Variants in TSNARE1 observed in about 807,000 individuals in gnomAD.
The protein encoded by TSNARE1 is t-SNARE domain containing 1.
In TSNARE1, 49 loss-of-function variants were observed where a neutral mutation model predicts 62.0. The observed-to-expected ratio is 0.79, with a 90% CI of 0.63 to 1.00. The LOEUF (loss-of-function observed/expected upper bound fraction) is 1.00. Among genes scored for constraint, TSNARE1 ranks in the 50% least tolerant of loss-of-function variants. The pLI, the probability that TSNARE1 is intolerant of heterozygous loss-of-function variation, is 0.00. For synonymous variants in TSNARE1, 328 were observed against 294.4 expected, an observed-to-expected ratio of 1.11 and a Z score of -1.17; for missense variants, 755 against 700.1, an observed-to-expected ratio of 1.08 and a Z score of -0.88.
At chr8:142,331,905 C>A in intron 4 of TSNARE1, 74 bp from the exon 5 acceptor site, 1 of 1,433,898 alleles carries the variant, frequency 7.0e-7, no homozygotes, top group Non-Finnish European at 9.6e-7. Flanking sequence ...GCTAACCGCT[C>A]TGGGCAGCCC....
chr8:142,269,457 C>G lies in TSNARE1; in HGVS notation c.1446+5324G>C, dbSNP rs552492340. The G allele has an allele frequency of 5.0e-5, 49 of 985,434 alleles. No homozygotes were observed. In the South Asian group the frequency reaches 1.0e-3, roughly 21 times the overall value. 61.0% of individuals were successfully genotyped at this position (985,434 alleles called of 1,614,324 possible). A position where few individuals can be genotyped will look rare whatever the true frequency, so the allele number is the denominator to read the frequency against. ...AAGACAGAAAACACACACAGCCATA[C>G]GAGGCCACTGTCAGCCGTGCTGGGT... is the stretch of plus-strand genomic sequence containing the variant. On this transcript the variant is annotated intron_variant, in intron 12 of 13. Coordinates refer to ENST00000524325, the MANE Select transcript of TSNARE1 (RefSeq NM_145003.5).
intron 12 of TSNARE1, among the ~76,000 whole-genome samples, chr8:142,241,320 T>C (rs1156750894): frequency 1.3e-5 from 2 of 152,116 alleles, no homozygotes; most frequent in African/African-American, 4.8e-5. Flanking sequence ...GTGAAAGATA[T>C]ATACAATGAA....
intron 10 of TSNARE1, among the ~76,000 whole-genome samples, chr8:142,285,366 GGGTA>G: frequency 6.8e-6 from 1 of 147,442 alleles, no homozygotes. Context: ...ATGGGTGGGT[GGGTA>G]GATGTATGGA....
chr8:142,346,041 C>A, intron 2 of TSNARE1, 149 bp from the exon 3 acceptor site: 2 of 864,494 alleles, frequency 2.3e-6, no homozygotes, highest in Non-Finnish European at 3.5e-6. Flanking sequence ...CCTGCTATAT[C>A]CTCTGGATCA....
chr8:142,271,187 G>C (rs1414729398), intron 12 of TSNARE1: 21 of 992,010 alleles, frequency 2.1e-5, no homozygotes, highest in Non-Finnish European at 2.5e-5. Context: ...AGGCCCCTGG[G>C]CCACTCCACT....
intron 1 of TSNARE1, among the ~76,000 whole-genome samples, chr8:142,375,625 A>C (rs1394571105): frequency 6.6e-6 from 1 of 152,216 alleles, no homozygotes; most frequent in Non-Finnish European, 1.5e-5. Flanking sequence ...ACCACAGTGC[A>C]CACTGCATGC....
At chr8:142,368,630 G>A (rs895730643) in intron 1 of TSNARE1, among the ~76,000 whole-genome samples, 8 of 152,110 alleles carry the variant, frequency 5.3e-5, no homozygotes, top group African/African-American at 1.7e-4. Flanking sequence ...CCACCTGGGC[G>A]GCCACATCCA....
chr8:142,380,438 C>G (rs549868969), intron 1 of TSNARE1, among the ~76,000 whole-genome samples: 1 of 152,170 alleles, frequency 6.6e-6, no homozygotes, highest in Non-Finnish European at 1.5e-5. Flanking sequence ...GAGCCTCCTG[C>G]GGGCTGAACT....
At chr8:142,401,849 T>C (rs545190789) in intron 1 of TSNARE1, among the ~76,000 whole-genome samples, 1 of 152,298 alleles carries the variant, frequency 6.6e-6, no homozygotes, top group African/African-American at 2.4e-5. Context: ...GGTCCTGTGA[T>C]GTATGGGGTC....
chr8:142,406,763 A>T (rs1278006564), upstream of TSNARE1: 2 of 152,234 alleles, frequency 1.3e-5, no homozygotes, highest in Non-Finnish European at 2.9e-5. Context: ...AACCAAGGGC[A>T]TGGGGTGTGT....
At chr8:142,270,112 C>T (rs958384889) in intron 12 of TSNARE1, 72 of 985,340 alleles carry the variant, frequency 7.3e-5, no homozygotes, top group African/African-American at 1.9e-4. Context: ...AGCCAAGGCC[C>T]GGGCTGGTCC....
intron 9 of TSNARE1, among the ~76,000 whole-genome samples, chr8:142,311,201 G>T (rs1472434744): frequency 4.1e-5 from 6 of 146,684 alleles, no homozygotes; most frequent in African/African-American, 1.5e-4. Context: ...TTTCGCTCTT[G>T]TTGCCCAGAC....
chr8:142,315,144 C>A lies in TSNARE1; in HGVS notation c.985-52G>T, dbSNP rs1316307528. On this transcript the variant is annotated intron_variant, in intron 7 of 13. Coordinates refer to ENST00000524325, the MANE Select transcript of TSNARE1 (RefSeq NM_145003.5). The stretch of plus-strand genomic sequence containing the variant: ...CATGGGAGGCTTGGCCCTGCCCCAG[C>A]AGCCCCCACCACCCACACCTCCTCC... 1.9e-6 allele frequency: 3 copies of A among 1,584,770 alleles called. No homozygotes were observed. In the South Asian group the frequency reaches 3.3e-5, roughly 18 times the overall value.
In TSNARE1 at chr8:142,222,355, C is replaced by CACTCACTCACTCATTCACTCAG. The variant is rs1816356482; in HGVS notation, c.*11+7117_*11+7118insCTGAGTGAATGAGTGAGTGAGT. On this transcript the variant is annotated intron_variant, in intron 13 of 13. Coordinates refer to ENST00000524325, the MANE Select transcript of TSNARE1 (RefSeq NM_145003.5). ...ACTCGCTCACTCATCCACTCACTCA[C>CACTCACTCACTCATTCACTCAG]TCACTCATCCACTAATTCACTCACT... is the stretch of plus-strand genomic sequence containing the variant. 1.7e-4 allele frequency among the ~76,000 whole-genome samples: 5 copies of CACTCACTCACTCATTCACTCAG among 28,934 alleles called. 1 individual carries two copies. The highest frequency in any genetic ancestry group is 5.7e-4 in the African/African-American group (5 of 8,706). The allele number at this position is 28,934 out of a possible 152,430, so 19.0% of individuals were successfully genotyped here. A position where few individuals can be genotyped will look rare whatever the true frequency, so the allele number is the denominator to read the frequency against.
chr8:142,367,025 C>T (rs1413655727), intron 1 of TSNARE1, among the ~76,000 whole-genome samples: 1 of 151,888 alleles, frequency 6.6e-6, no homozygotes, highest in Non-Finnish European at 1.5e-5. Context: ...ACAATAGCAA[C>T]GAAAAATATA....
chr8:142,385,071 T>A, intron 1 of TSNARE1, among the ~76,000 whole-genome samples: 1 of 147,860 alleles, frequency 6.8e-6, no homozygotes, highest in Non-Finnish European at 1.5e-5. Flanking sequence ...GCGAATGAAA[T>A]GAGGTGAGAG....
At chr8:142,284,623 G>C (rs961264898) in intron 10 of TSNARE1, 138 bp from the exon 11 acceptor site, 2 of 697,624 alleles carry the variant, frequency 2.9e-6, no homozygotes, top group African/African-American at 3.5e-5. Context: ...GCTGGGGACC[G>C]GCTGGTCTGT....
chr8:142,301,864 G>T (rs1363254148), intron 9 of TSNARE1, among the ~76,000 whole-genome samples: 2 of 152,190 alleles, frequency 1.3e-5, no homozygotes, highest in South Asian at 2.1e-4. Flanking sequence ...GCGAGGTGGG[G>T]CTGGCACCAT....
chr8:142,370,752 G>A (rs1196718100), intron 1 of TSNARE1, among the ~76,000 whole-genome samples: 2 of 151,484 alleles, frequency 1.3e-5, no homozygotes, highest in African/African-American at 2.4e-5. Flanking sequence ...GCAAAGAAAT[G>A]AAGAAAAGAA....
Sources: allele counts gnomAD v4.1 joint callset (sites outside exome capture counted in the v4.1 genomes callset), GRCh38; gene constraint gnomAD v4.1.1; transcripts MANE v1.5; gene names NCBI Gene and HGNC (gene_info 2026-07-23, HGNC 2026-07-21).